Variants in ZFYVE28 observed in about 807,000 individuals in gnomAD.
The protein encoded by ZFYVE28 is zinc finger FYVE-type containing 28.
In ZFYVE28, 40 loss-of-function variants were observed where a neutral mutation model predicts 82.1. The observed-to-expected ratio is 0.49, with a 90% CI of 0.38 to 0.63. The LOEUF is 0.63. ZFYVE28 is among the 30% of genes least tolerant of loss of function. The pLI, the probability that ZFYVE28 is intolerant of heterozygous loss-of-function variation, is 0.00. For missense variants in ZFYVE28, 1,321 were observed against 1,242.1 expected (o/e 1.06, Z -0.96); for synonymous variants, 612 against 546.1 (o/e 1.12, Z -1.68).
rs969561507 is a variant in ZFYVE28 at position 2,320,115 on chromosome 4, C to G, written c.803+55G>C. ...CGGCTAAACATGACTTCAGCGCCCA[C>G]CTGTGGCCCTCCTGTCCCCCTCCCC... On this transcript the variant is annotated intron_variant, in intron 7 of 12. Coordinates refer to ENST00000290974, the MANE Select transcript of ZFYVE28 (RefSeq NM_020972.3). The surrounding 1 kb of genome is among the most constrained non-coding windows in gnomAD (Gnocchi z 5.1). 1.3e-6 allele frequency: 2 copies of G among 1,561,620 alleles called. No homozygotes were observed. The highest frequency in any genetic ancestry group is 3.4e-5 in the Admixed American group (2 of 59,384).
chr4:2,392,988 T>A (rs765736277), intron 1 of ZFYVE28, among the ~76,000 whole-genome samples: 1 of 152,260 alleles, frequency 6.6e-6, no homozygotes, highest in Non-Finnish European at 1.5e-5. Flanking sequence ...CTTTCCAGAT[T>A]CAGGCAAATA....
intron 1 of ZFYVE28, among the ~76,000 whole-genome samples, chr4:2,376,747 G>A (rs975291432): frequency 1.3e-5 from 2 of 152,078 alleles, no homozygotes; most frequent in African/African-American, 4.8e-5. Context: ...TTCAAGATGA[G>A]ATTTGGGTGG....
intron 8 of ZFYVE28, among the ~76,000 whole-genome samples, chr4:2,281,270 C>A (rs1711932174): frequency 6.6e-6 from 1 of 152,082 alleles, no homozygotes; most frequent in Admixed American, 6.6e-5. Flanking sequence ...GAGGTAGAAC[C>A]CAGGATTTCA....
intron 7 of ZFYVE28, among the ~76,000 whole-genome samples, chr4:2,317,674 C>T (rs1389163412): frequency 8.5e-5 from 13 of 152,112 alleles, no homozygotes; most frequent in Admixed American, 8.5e-4. Flanking sequence ...GCTCTGTCGC[C>T]CAGGCTGGAA....
At chr4:2,353,763 C>T (rs947539530) in intron 2 of ZFYVE28, among the ~76,000 whole-genome samples, 170 bp downstream of exon 2, 2 of 152,200 alleles carry the variant, frequency 1.3e-5, no homozygotes, top group African/African-American at 2.4e-5. Context: ...ACCCACCCCA[C>T]GCATCCTGCC....
At chr4:2,344,623 G>A (rs1418096865) in intron 2 of ZFYVE28, among the ~76,000 whole-genome samples, 2 of 152,264 alleles carry the variant, frequency 1.3e-5, no homozygotes, top group Non-Finnish European at 2.9e-5. Flanking sequence ...TTGGCTGGGT[G>A]CAGTGGCTCA....
chr4:2,320,906 C>G lies in ZFYVE28; in HGVS notation c.702-635G>C, dbSNP rs1307186956. 6.6e-6 allele frequency among the ~76,000 whole-genome samples: 1 copy of G among 152,200 alleles called. No individual in the cohort carries two copies. Among genetic ancestry groups the G allele is most frequent in the Admixed American group, 6.5e-5 (1 of 15,284 alleles). ...GCCGGCTTTCCTCACTGTCCCTCCC[C>G]CAGAGTCCGGCTCAAAGCCTGCTGA... is the stretch of plus-strand genomic sequence containing the variant. On this transcript the variant is annotated intron_variant, in intron 6 of 12. Coordinates refer to ENST00000290974, the MANE Select transcript of ZFYVE28 (RefSeq NM_020972.3). The surrounding 1 kb of genome is among the most constrained non-coding windows in gnomAD (Gnocchi z 5.1).
At chr4:2,296,227 T>C (rs560833577) in intron 8 of ZFYVE28, among the ~76,000 whole-genome samples, 266 of 152,288 alleles carry the variant, frequency 1.7e-3, no homozygotes, top group African/African-American at 6.0e-3. Flanking sequence ...CCTGCGTGCC[T>C]ACTGCATCCA....
At chr4:2,404,960 G>A (rs1405438797) in intron 1 of ZFYVE28, among the ~76,000 whole-genome samples, 1 of 150,450 alleles carries the variant, frequency 6.6e-6, no homozygotes, top group Non-Finnish European at 1.5e-5. Flanking sequence ...CAAACTCCTG[G>A]GCTCAAGCAA....
chr4:2,326,905 T>C (rs908949307), intron 6 of ZFYVE28, among the ~76,000 whole-genome samples: 26 of 152,164 alleles, frequency 1.7e-4, no homozygotes, highest in African/African-American at 6.3e-4. Context: ...ACTATATTCA[T>C]TATTAGTCCT....
intron 1 of ZFYVE28, among the ~76,000 whole-genome samples, chr4:2,397,516 C>G (rs1730609340): frequency 6.6e-6 from 1 of 151,436 alleles, no homozygotes; most frequent in Non-Finnish European, 1.5e-5. Context: ...GCTGTGCAAC[C>G]ATCACCACCA....
chr4:2,387,395 C>T (rs1282590288), intron 1 of ZFYVE28, among the ~76,000 whole-genome samples: 1 of 152,254 alleles, frequency 6.6e-6, no homozygotes, highest in African/African-American at 2.4e-5. Context: ...TGCTTGCCCT[C>T]CTGCCGGCCG....
chr4:2,305,404 G>T lies in ZFYVE28; in HGVS notation c.936C>A (p.Ala312=). 2.5e-6 allele frequency: 4 copies of T among 1,612,782 alleles called. No homozygotes were observed. Among genetic ancestry groups the T allele is most frequent in the East Asian group, 2.2e-5 (1 of 44,880 alleles). ...GPAALAPALS[A]PLPPEGPLSA... is the part of the protein sequence containing the mutation. ...AGAGTGGCCCCTCAGGGGGGAGAGG[G>T]GCAGAGAGGGCAGGCGCCAGGGCAG... Residue 312 remains alanine, a synonymous_variant, in exon 8 of 13, where the codon GCC becomes GCA. Transcript: ENST00000290974.
At chr4:2,374,410 G>A (rs767502217) in intron 1 of ZFYVE28, among the ~76,000 whole-genome samples, 6 of 152,054 alleles carry the variant, frequency 3.9e-5, no homozygotes, top group South Asian at 2.1e-4. Context: ...CCAGGAGCTC[G>A]AGACCAGCCT....
At chr4:2,377,243 G>A (rs1014661136) in intron 1 of ZFYVE28, among the ~76,000 whole-genome samples, 11 of 152,140 alleles carry the variant, frequency 7.2e-5, no homozygotes, top group South Asian at 2.1e-4. Flanking sequence ...GGATGGTCTC[G>A]ATCTCCTGAC....
chr4:2,326,179 T>C (rs1236799436), intron 6 of ZFYVE28, among the ~76,000 whole-genome samples: 1 of 152,246 alleles, frequency 6.6e-6, no homozygotes. Context: ...CTAGTAGTTT[T>C]AGAGTTTCTG....
At chr4:2,381,795 C>T (rs1431899508) in intron 1 of ZFYVE28, among the ~76,000 whole-genome samples, 3 of 152,242 alleles carry the variant, frequency 2.0e-5, no homozygotes, top group Admixed American at 6.5e-5. Context: ...AGGAGCTGAA[C>T]GTTAATCCCC....
chr4:2,272,426 G>A (rs1735992578), intron 10 of ZFYVE28, among the ~76,000 whole-genome samples: 1 of 152,194 alleles, frequency 6.6e-6, no homozygotes, highest in African/African-American at 2.4e-5. Context: ...ATCCTACAGG[G>A]ACCGAGGGCC....
chr4:2,291,038 T>C (rs971215295), intron 8 of ZFYVE28, among the ~76,000 whole-genome samples: 1 of 152,234 alleles, frequency 6.6e-6, no homozygotes, highest in African/African-American at 2.4e-5. Context: ...TGCCTGCACG[T>C]GTGCTCCTGC....
Sources: allele counts gnomAD v4.1 joint callset (sites outside exome capture counted in the v4.1 genomes callset), GRCh38; gene constraint gnomAD v4.1.1; non-coding constraint Gnocchi (gnomAD v3.1); transcripts MANE v1.5; gene names NCBI Gene and HGNC (gene_info 2026-07-23, HGNC 2026-07-21).